Variants in FGF13 observed in about 807,000 individuals in gnomAD.
FGF13 encodes the protein fibroblast growth factor 13.
FGF13 carries 2 observed loss-of-function variants against 19.5 expected under a neutral mutation model. That is an observed-to-expected ratio of 0.10 (90% CI 0.04 to 0.32). The LOEUF is 0.32. Ranked by LOEUF, FGF13 falls within the 10% of genes least tolerant of loss-of-function variation. The pLI, the probability that FGF13 is intolerant of heterozygous loss-of-function variation, is 1.00. For synonymous variants in FGF13, 72 were observed against 76.9 expected, an observed-to-expected ratio of 0.94 and a Z score of 0.33; for missense variants, 113 against 192.7, an observed-to-expected ratio of 0.59 and a Z score of 2.45.
At chrX:138,767,059 T>C (rs147723689) in intron 3 of FGF13, among the ~76,000 whole-genome samples, 1,804 of 111,274 alleles carry the variant, frequency 0.016, 25 homozygotes, top group African/African-American at 0.056. Context: ...AGGACGAGGC[T>C]CTGTGGGCCA....
chrX:138,977,143 T>C (rs776923153), intron 1 of FGF13, among the ~76,000 whole-genome samples: 6 of 111,982 alleles, frequency 5.4e-5, no homozygotes, highest in African/African-American at 1.9e-4. Context: ...TTTGTTCACA[T>C]GATGAACACT....
chrX:139,140,209 T>G (rs1195672761), intron 1 of FGF13, among the ~76,000 whole-genome samples: 2 of 111,437 alleles, frequency 1.8e-5, no homozygotes, highest in Admixed American at 1.9e-4. Context: ...TTCATAGGAA[T>G]TTCCAAATCA....
intron 1 of FGF13, among the ~76,000 whole-genome samples, chrX:139,056,415 A>C (rs998459244): frequency 1.8e-5 from 2 of 112,264 alleles, no homozygotes; most frequent in African/African-American, 6.5e-5. Flanking sequence ...TCACAAAATA[A>C]GGATTAGGAA....
At chrX:139,094,938 G>GA (rs772456579) in intron 1 of FGF13, among the ~76,000 whole-genome samples, 1 of 112,400 alleles carries the variant, frequency 8.9e-6, no homozygotes, top group African/African-American at 3.2e-5. Context: ...AGTAAGGGAA[G>GA]AAAAAATGTG....
chrX:139,134,247 T>C (rs1222572327), intron 1 of FGF13, among the ~76,000 whole-genome samples: 1 of 111,847 alleles, frequency 8.9e-6, no homozygotes, highest in Non-Finnish European at 1.9e-5. Flanking sequence ...CATTCCTCAA[T>C]ACAGCTCATT....
intron 3 of FGF13, among the ~76,000 whole-genome samples, chrX:138,847,784 T>C (rs1229709896): frequency 8.9e-6 from 1 of 111,931 alleles, no homozygotes; most frequent in Non-Finnish European, 1.9e-5. Context: ...ACATATGGGC[T>C]GCTGTAATCC....
intron 1 of FGF13, among the ~76,000 whole-genome samples, chrX:139,122,858 C>T (rs963903311): frequency 9.0e-6 from 1 of 111,334 alleles, no homozygotes; most frequent in Non-Finnish European, 1.9e-5. Context: ...ATGTGTGTAT[C>T]TCTAGGGTAG....
chrX:138,747,576 T>G (rs756208985), intron 3 of FGF13, among the ~76,000 whole-genome samples: 1 of 111,957 alleles, frequency 8.9e-6, no homozygotes, highest in South Asian at 3.8e-4. Context: ...TTTCCCACAG[T>G]AGCTACTAAG....
chrX:138,900,985 C>G (rs1021675684), intron 1 of FGF13, among the ~76,000 whole-genome samples: 3 of 111,962 alleles, frequency 2.7e-5, no homozygotes, highest in African/African-American at 9.7e-5. Flanking sequence ...CTCGACCCCA[C>G]CTTAAGTAAA....
chrX:138,788,528 C>A (rs1314794784), intron 3 of FGF13, among the ~76,000 whole-genome samples: 1 of 112,105 alleles, frequency 8.9e-6, no homozygotes, highest in Non-Finnish European at 1.9e-5. Context: ...CAGGCAGTGG[C>A]ACTAATGATC....
rs2091526603 is a variant in FGF13 at position 138,900,461 on chromosome X, T to C, written c.-112-35811A>G. On this transcript the variant is annotated intron_variant, in intron 1 of 2. Transcript: ENST00000421460. ...CCTTCCCACACACCCTCAATTCCAA[T>C]CCACCAGCAGTTCCCATGAGCTCTA... 1.8e-5 allele frequency among the ~76,000 whole-genome samples: 2 copies of C among 110,607 alleles called. 1 individual carries two copies. Among genetic ancestry groups the C allele is most frequent in the Admixed American group, 1.9e-4 (2 of 10,330 alleles).
At chrX:138,915,612 T>C (rs1197256030) in intron 1 of FGF13, among the ~76,000 whole-genome samples, 6 of 112,025 alleles carry the variant, frequency 5.4e-5, no homozygotes, top group Non-Finnish European at 1.1e-4. Flanking sequence ...CTTATCAACA[T>C]CTGTTGTCAG....
intron 1 of FGF13, among the ~76,000 whole-genome samples, chrX:139,188,263 G>A (rs1050305081): frequency 2.7e-5 from 3 of 112,390 alleles, no homozygotes; most frequent in Admixed American, 9.5e-5. Flanking sequence ...TCTTAAGCAT[G>A]TGTCTCTAAA....
At chrX:139,076,838 G>A (rs982952654) in intron 1 of FGF13, among the ~76,000 whole-genome samples, 1 of 112,007 alleles carries the variant, frequency 8.9e-6, no homozygotes, top group African/African-American at 3.2e-5. Context: ...CCAATATCTT[G>A]AGGGCCATTT....
chrX:138,702,870 A>G, intron 3 of FGF13, 114 bp downstream of exon 3: 4 of 487,599 alleles, frequency 8.2e-6, no homozygotes, highest in Non-Finnish European at 1.4e-5. Flanking sequence ...TATTTCCATC[A>G]ACATTCTTCT....
chrX:139,029,831 T>C (rs1603141061), intron 1 of FGF13, among the ~76,000 whole-genome samples: 2 of 112,003 alleles, frequency 1.8e-5, no homozygotes, highest in Admixed American at 1.9e-4. Context: ...AGACTGACTC[T>C]ATGATACTGC....
At chrX:139,165,962 T>C (rs1211050782) in intron 1 of FGF13, among the ~76,000 whole-genome samples, 1 of 112,168 alleles carries the variant, frequency 8.9e-6, no homozygotes, top group Non-Finnish European at 1.9e-5. Flanking sequence ...CTTTTGATTT[T>C]ACAGTCTCAT....
chrX:138,846,906 C>A (rs2091187198), intron 3 of FGF13, among the ~76,000 whole-genome samples: 1 of 111,431 alleles, frequency 9.0e-6, no homozygotes, highest in African/African-American at 3.3e-5. Flanking sequence ...AGGTAAGGGT[C>A]ATTTCATCTC....
intron 3 of FGF13, among the ~76,000 whole-genome samples, chrX:138,828,703 T>A (rs1158090017): frequency 9.0e-6 from 1 of 110,811 alleles, no homozygotes; most frequent in South Asian, 3.8e-4. Flanking sequence ...GAACAGTCAA[T>A]ATTTCCAATT....
Sources: gnomAD v4.1 joint callset for allele counts (sites outside exome capture counted in the v4.1 genomes callset) on GRCh38, gnomAD v4.1.1 for gene constraint, MANE v1.5 for transcripts, NCBI Gene and HGNC (gene_info 2026-07-23, HGNC 2026-07-21) for gene names.